The following CWF19L2 variants were observed in gnomAD, a reference collection of about 807,000 sequenced individuals.
The protein encoded by CWF19L2 is CWF19-like protein 2.
In CWF19L2, 98 loss-of-function variants were observed where a neutral mutation model predicts 111.7. That is an observed-to-expected ratio of 0.88 (90% confidence interval 0.75 to 1.04). The LOEUF is 1.04. Ranked by LOEUF, CWF19L2 falls within the 50% of genes least tolerant of loss-of-function variation. CWF19L2 has a pLI of 0.00. For missense variants in CWF19L2, 1,101 were observed against 1,051.4 expected (o/e 1.05, Z -0.65); for synonymous variants, 351 against 342.9 (o/e 1.02, Z -0.26).
At chr11:107,378,483 T>C (rs965895555) in intron 12 of CWF19L2, among the ~76,000 whole-genome samples, 5 of 152,204 alleles carry the variant, frequency 3.3e-5, no homozygotes, top group South Asian at 2.1e-4. Flanking sequence ...TGGATGAAAT[T>C]GGAAATCATC....
chr11:107,386,147 G>C (rs995708537), intron 12 of CWF19L2, among the ~76,000 whole-genome samples: 1 of 152,086 alleles, frequency 6.6e-6, no homozygotes, highest in Non-Finnish European at 1.5e-5. Context: ...CTGCATAGCT[G>C]AAACTACAGA....
chr11:107,339,789 C>G (rs1037560147), intron 14 of CWF19L2, among the ~76,000 whole-genome samples: 2 of 151,752 alleles, frequency 1.3e-5, no homozygotes, highest in African/African-American at 4.8e-5. Context: ...CCTTGGCCCC[C>G]CCACAACAGC....
chr11:107,430,896 ACTAC>A (rs1315185079), intron 7 of CWF19L2, among the ~76,000 whole-genome samples: 1 of 124,922 alleles, frequency 8.0e-6, no homozygotes. Flanking sequence ...AAGGAGAATA[ACTAC>A]GTAAGATAAA....
intron 16 of CWF19L2, among the ~76,000 whole-genome samples, chr11:107,333,040 C>G (rs2134520759): frequency 1.3e-5 from 2 of 151,540 alleles, no homozygotes; most frequent in South Asian, 4.2e-4. Context: ...ATCACTTGAA[C>G]CTGGGAGGTG....
At chr11:107,452,285 CT>C (rs914178739) in intron 3 of CWF19L2, among the ~76,000 whole-genome samples, 1 of 151,390 alleles carries the variant, frequency 6.6e-6, no homozygotes, top group African/African-American at 2.4e-5. Flanking sequence ...TCACTTTTTT[CT>C]TTTTTTTCTG....
rs896445181 is a variant in CWF19L2, at chr11:107,405,728, A to G, written c.1617+10481T>C. Reference sequence around the variant, plus strand: ...AGCTTTCTACTAAGAGGCAGTTCATAGACTGCAGTACAAAGGAATTTAATC... The same window carrying G: ...AGCTTTCTACTAAGAGGCAGTTCATGGACTGCAGTACAAAGGAATTTAATC... On this transcript the variant is annotated intron_variant, in intron 10 of 17. Coordinates refer to ENST00000282251, the MANE Select transcript of CWF19L2 (RefSeq NM_152434.3). 2.6e-5 allele frequency among the ~76,000 whole-genome samples: 4 copies of G among 152,070 alleles called. No homozygotes were observed. In the South Asian group the frequency reaches 6.2e-4, roughly 24 times the overall value.
chr11:107,448,424 T>G, intron 3 of CWF19L2, among the ~76,000 whole-genome samples: 1 of 122,144 alleles, frequency 8.2e-6, no homozygotes. Flanking sequence ...ACCCAAGGCA[T>G]AGAAAGGAAA....
chr11:107,398,393 A>G (rs1285583096), intron 10 of CWF19L2, among the ~76,000 whole-genome samples: 1 of 152,210 alleles, frequency 6.6e-6, no homozygotes, highest in African/African-American at 2.4e-5. Context: ...AATGCTGTGG[A>G]AAGTCTCAAC....
chr11:107,392,841 A>G lies in CWF19L2; in HGVS notation c.1672T>C (p.Trp558Arg). Residue 558 changes from tryptophan to arginine, a missense_variant, in exon 11 of 18, where the codon TGG (tryptophan) becomes CGG (arginine). Transcript: ENST00000282251. ...GATTTTCCGGGTGTGTTCACAGGCC[A>G]TACTCTTCCAGACTGATCTGTTCTG... Reference protein sequence around the residue: ...LVRTDQSGRVWPVNTPGKSLE... With the variant: ...LVRTDQSGRVRPVNTPGKSLE... 1 of 1,594,174 alleles carries G rather than the reference A, an allele frequency of 6.3e-7. No homozygotes were observed. Among genetic ancestry groups the G allele is most frequent in the Middle Eastern group, 1.7e-4 (1 of 6,018 alleles).
intron 9 of CWF19L2, 29 bp from the exon 10 acceptor site, chr11:107,416,327 T>C: frequency 9.9e-7 from 1 of 1,006,804 alleles, no homozygotes; most frequent in South Asian, 1.7e-5. Flanking sequence ...GTAAAATATG[T>C]GCGATATGTA....
intron 12 of CWF19L2, among the ~76,000 whole-genome samples, chr11:107,372,702 T>G (rs1487242135): frequency 7.4e-6 from 1 of 135,456 alleles, no homozygotes; most frequent in Non-Finnish European, 1.6e-5. Context: ...TAAGAAGGAA[T>G]GCTAGAAAAC....
chr11:107,455,136 T>G (rs565549997), intron 2 of CWF19L2, among the ~76,000 whole-genome samples: 1 of 152,266 alleles, frequency 6.6e-6, no homozygotes, highest in East Asian at 1.9e-4. Flanking sequence ...AGGTATTATC[T>G]ATTTCAAAGC....
intron 10 of CWF19L2, among the ~76,000 whole-genome samples, chr11:107,413,828 GA>G (rs1203074612): frequency 7.2e-5 from 11 of 152,210 alleles, no homozygotes; most frequent in African/African-American, 2.6e-4. Flanking sequence ...AAATTCTAGG[GA>G]AGTTGACATT....
intron 16 of CWF19L2, among the ~76,000 whole-genome samples, chr11:107,330,435 A>T (rs1220490818): frequency 6.6e-6 from 1 of 152,148 alleles, no homozygotes; most frequent in African/African-American, 2.4e-5. Context: ...GCTCTCCTTG[A>T]ATCTTTACAG....
chr11:107,341,893 G>A (rs1343615688), intron 14 of CWF19L2, among the ~76,000 whole-genome samples: 1 of 151,990 alleles, frequency 6.6e-6, no homozygotes, highest in African/African-American at 2.4e-5. Flanking sequence ...TTTGATGACT[G>A]CAAAATCTGT....
At chr11:107,446,900 T>C (rs1398256179) in intron 3 of CWF19L2, among the ~76,000 whole-genome samples, 3 of 152,152 alleles carry the variant, frequency 2.0e-5, no homozygotes, top group African/African-American at 7.2e-5. Context: ...CCATTTTACC[T>C]TGAACTCATT....
Position 107,444,585 on chromosome 11 carries a change from C to T in CWF19L2, c.340-1536G>A, listed in dbSNP as rs654272. On this transcript the variant is annotated intron_variant, in intron 3 of 17. Transcript: ENST00000282251. ...TTTGGGCCATTAAATCCATTCTGAT[C>T]GCCTGAACTACAATAAATTGTGCTG... Among the ~76,000 whole-genome samples, 5 of 152,142 alleles carry T rather than the reference C, an allele frequency of 3.3e-5. No homozygotes were observed. The East Asian group carries it at 7.7e-4, about 24-fold the overall frequency.
At chr11:107,449,370 C>T (rs898519925) in intron 3 of CWF19L2, among the ~76,000 whole-genome samples, 19 of 151,856 alleles carry the variant, frequency 1.3e-4, no homozygotes, top group African/African-American at 4.3e-4. Context: ...TGGTATTAGA[C>T]AGAAATTCAG....
At chr11:107,349,892 T>C (rs1283057799) in intron 13 of CWF19L2, among the ~76,000 whole-genome samples, 1 of 152,144 alleles carries the variant, frequency 6.6e-6, no homozygotes. Flanking sequence ...GTCATGGGTA[T>C]GTCTATAGAC....
Sources: gnomAD v4.1 joint callset for allele counts (sites outside exome capture counted in the v4.1 genomes callset) on GRCh38, gnomAD v4.1.1 for gene constraint, MANE v1.5 for transcripts, NCBI Gene and HGNC (gene_info 2026-07-23, HGNC 2026-07-21) for gene names.